The following SEC14L1 variants were observed in gnomAD, a reference collection of about 807,000 sequenced individuals.
The protein encoded by SEC14L1 is SEC14 like lipid binding 1.
SEC14L1 carries 48 observed loss-of-function variants against 85.3 expected under a neutral mutation model. The ratio of observed to expected loss-of-function variants is 0.56; its 90% CI spans 0.45 to 0.72. The LOEUF (loss-of-function observed/expected upper bound fraction) is 0.72, where lower values mean the gene tolerates loss of function less well. SEC14L1 is among the 30% of genes least tolerant of loss of function. SEC14L1 has a pLI of 0.00. For synonymous variants in SEC14L1, 391 were observed against 355.5 expected (o/e 1.10, Z -1.12); for missense variants, 682 against 921.4 (o/e 0.74, Z 3.36).
intron 3 of SEC14L1, among the ~76,000 whole-genome samples, chr17:77,180,450 G>GCTCTTTCAC (rs1241274399): frequency 2.7e-5 from 4 of 149,648 alleles, no homozygotes; most frequent in Middle Eastern, 3.4e-3. Context: ...ATAAGGTCTG[G>GCTCTTTCAC]CTCTTTCACC....
intron 6 of SEC14L1, among the ~76,000 whole-genome samples, chr17:77,194,373 T>C (rs958537683): frequency 6.6e-6 from 1 of 152,010 alleles, no homozygotes; most frequent in African/African-American, 2.4e-5. Flanking sequence ...TGGACAACAT[T>C]GCGAAACCCC....
At chr17:77,123,466 C>T (rs1352736711) in intron 3 of SEC14L1, among the ~76,000 whole-genome samples, 3 of 131,066 alleles carry the variant, frequency 2.3e-5, no homozygotes, top group Admixed American at 8.9e-5. Flanking sequence ...GGCTGGAGTG[C>T]GGTGGCGAGA....
Position 77,124,137 on chromosome 17 carries a change from G to A in SEC14L1, c.-135-18509G>A, listed in dbSNP as rs1972375477. Among the ~76,000 whole-genome samples, 3 of 152,128 alleles carry A rather than the reference G, an allele frequency of 2.0e-5. No homozygotes were observed. In the South Asian group the frequency reaches 6.2e-4, roughly 31 times the overall value. ...CTAACACTTTGGGAGGCCAAGGCAGGTGGATCACTTGAGCCCAGGAGTTCG... is the reference window on the plus strand; with the variant it reads ...CTAACACTTTGGGAGGCCAAGGCAGATGGATCACTTGAGCCCAGGAGTTCG... On this transcript the variant is annotated intron_variant, in intron 3 of 19. Transcript: ENST00000392476.
At chr17:77,145,095 A>ATGTGTGTGTGTG (rs1475438189) in intron 3 of SEC14L1, 3 of 44,612 alleles carry the variant, frequency 6.7e-5, no homozygotes, top group Non-Finnish European at 1.7e-4. Context: ...GTGTGTGTGT[A>ATGTGTGTGTGTG]TGTATGTGTG....
chr17:77,159,142 C>G (rs1347559006), intron 3 of SEC14L1, among the ~76,000 whole-genome samples: 1 of 101,078 alleles, frequency 9.9e-6, no homozygotes, highest in Non-Finnish European at 2.0e-5. Context: ...TTTTGGCTCA[C>G]TGCAGCCTCC....
At chr17:77,103,545 G>A (rs1377222458) in intron 3 of SEC14L1, among the ~76,000 whole-genome samples, 12 of 149,388 alleles carry the variant, frequency 8.0e-5, no homozygotes, top group African/African-American at 2.5e-4. Flanking sequence ...GGGCTCAAGC[G>A]ATTCTCCTGC....
chr17:77,171,399 G>A (rs2143687600), intron 3 of SEC14L1, among the ~76,000 whole-genome samples: 1 of 152,318 alleles, frequency 6.6e-6, no homozygotes, highest in South Asian at 2.1e-4. Flanking sequence ...AGGGAGACAA[G>A]GAGTTAAATG....
At chr17:77,143,512 C>G (rs1367546607) in intron 2 of SEC14L1, 55 bp from the exon 3 acceptor site, 1 of 1,046,286 alleles carries the variant, frequency 9.6e-7, no homozygotes, top group Non-Finnish European at 1.5e-6. Context: ...TGCAGACTTA[C>G]TAATAATTTG....
intron 2 of SEC14L1, among the ~76,000 whole-genome samples, chr17:77,090,377 G>A (rs555717411): frequency 6.6e-5 from 10 of 151,948 alleles, no homozygotes; most frequent in Admixed American, 2.0e-4. Flanking sequence ...AGGATCTGGC[G>A]GGTGTGGTGG....
chr17:77,211,613 C>A, intron 14 of SEC14L1: 2 of 305,822 alleles, frequency 6.5e-6, no homozygotes, highest in Non-Finnish European at 1.2e-5. Flanking sequence ...CAGCCCAGGG[C>A]AGTCCTCTGA....
At chr17:77,096,733 C>T (rs1363585719) in intron 3 of SEC14L1, among the ~76,000 whole-genome samples, 1 of 151,860 alleles carries the variant, frequency 6.6e-6, no homozygotes, top group Non-Finnish European at 1.5e-5. Flanking sequence ...CTTTTTTGTT[C>T]TGTTTTGATT....
At chr17:77,167,918 T>A (rs560620061) in intron 3 of SEC14L1, among the ~76,000 whole-genome samples, 2 of 152,374 alleles carry the variant, frequency 1.3e-5, no homozygotes, top group Admixed American at 6.5e-5. Context: ...AGAAAGGTGC[T>A]GCCTGTTACA....
chr17:77,108,381 G>A (rs1168837778), intron 3 of SEC14L1, among the ~76,000 whole-genome samples: 3 of 152,266 alleles, frequency 2.0e-5, no homozygotes, highest in South Asian at 4.1e-4. Flanking sequence ...CCTATGGTTC[G>A]TGTGGGTTCT....
At chr17:77,187,991 C>T (rs1028633963) in intron 3 of SEC14L1, among the ~76,000 whole-genome samples, 7 of 152,246 alleles carry the variant, frequency 4.6e-5, no homozygotes, top group East Asian at 1.9e-4. Flanking sequence ...GTGATCTGCA[C>T]GCCTGGGCCT....
intron 3 of SEC14L1, among the ~76,000 whole-genome samples, chr17:77,189,943 G>A (rs941077895): frequency 3.3e-5 from 5 of 152,236 alleles, no homozygotes; most frequent in South Asian, 2.1e-4. Context: ...AGGGTCTTTC[G>A]CTGAGCAAAT....
rs1976488281 is a variant in SEC14L1, at chr17:77,206,873, A to G, written c.1476+11A>G. 6.4e-7 allele frequency: 1 copy of G among 1,555,172 alleles called. No individual in the cohort carries two copies. The highest frequency in any genetic ancestry group is 8.7e-7 in the Non-Finnish European group (1 of 1,152,886). On this transcript the variant is annotated intron_variant, in intron 13 of 16. Coordinates refer to ENST00000436233, the MANE Select transcript of SEC14L1 (RefSeq NM_001143998.2). This position sits in a 1 kb window ranked among gnomAD's most constrained non-coding sequence, Gnocchi z 4.3. ...AGTGGGGAGTGCATGGTATGTCCTG[A>G]GGCGAGGAACTGCACATTTGGCCCC...
chr17:77,154,543 G>A (rs1740585847), intron 3 of SEC14L1, among the ~76,000 whole-genome samples: 1 of 152,124 alleles, frequency 6.6e-6, no homozygotes, highest in South Asian at 2.1e-4. Flanking sequence ...CAGGGACTGG[G>A]GCATCCACAG....
At chr17:77,137,679 C>T (rs556825446), upstream of SEC14L1, among the ~76,000 whole-genome samples, 3 of 152,368 alleles carry the variant, frequency 2.0e-5, no homozygotes, top group East Asian at 5.8e-4. Flanking sequence ...TCTGTGTCAA[C>T]ATGACTTACT....
intron 3 of SEC14L1, among the ~76,000 whole-genome samples, chr17:77,158,718 C>CGTTGG (rs1555621550): frequency 1.3e-5 from 2 of 149,246 alleles, no homozygotes; most frequent in Non-Finnish European, 3.0e-5. Flanking sequence ...TACCGATGGA[C>CGTTGG]GTTGGGTTGT....
Sources: gnomAD v4.1 joint callset for allele counts (sites outside exome capture counted in the v4.1 genomes callset) on GRCh38, gnomAD v4.1.1 for gene constraint, Gnocchi (gnomAD v3.1) non-coding constraint, MANE v1.5 for transcripts, NCBI Gene and HGNC (gene_info 2026-07-23, HGNC 2026-07-21) for gene names.